Variants in GRM7 observed in about 807,000 individuals in gnomAD.
GRM7 encodes metabotropic glutamate receptor 7.
In GRM7, 35 loss-of-function variants were observed where a neutral mutation model predicts 84.5. That is an observed-to-expected ratio of 0.41 (90% CI 0.32 to 0.55). The LOEUF is 0.55. Among genes scored for constraint, GRM7 ranks in the 20% least tolerant of loss-of-function variants. GRM7 has a pLI of 0.19. For missense variants in GRM7, 1,003 were observed against 1,194.6 expected, an observed-to-expected ratio of 0.84 and a Z score of 2.36; for synonymous variants, 487 against 455.1, an observed-to-expected ratio of 1.07 and a Z score of -0.89.
At chr3:7,099,274 A>T (rs58861144) in intron 1 of GRM7, among the ~76,000 whole-genome samples, 5,826 of 67,516 alleles carry the variant, frequency 0.086, 404 homozygotes, top group African/African-American at 0.27. Flanking sequence ...TGTATATATG[A>T]ATACATGTAT....
intron 7 of GRM7, among the ~76,000 whole-genome samples, chr3:7,479,073 T>C (rs576786092): frequency 1.3e-5 from 2 of 152,214 alleles, no homozygotes; most frequent in East Asian, 3.9e-4. Flanking sequence ...GGGACATTTA[T>C]ACTGTCCTAG....
At chr3:7,679,086 G>C (rs1473932362) in intron 8 of GRM7, among the ~76,000 whole-genome samples, 1 of 152,194 alleles carries the variant, frequency 6.6e-6, no homozygotes, top group Non-Finnish European at 1.5e-5. Flanking sequence ...GAAGTCCTTT[G>C]AGAGTGTATC....
In GRM7 at chr3:6,975,473, C is replaced by G. The variant is rs556217106; in HGVS notation, c.519+113566C>G. Among the ~76,000 whole-genome samples, 13 of 152,230 alleles carry G rather than the reference C, an allele frequency of 8.5e-5. No homozygotes were observed. In the South Asian group the frequency reaches 2.7e-3, roughly 32 times the overall value. On this transcript the variant is annotated intron_variant, in intron 1 of 9. Transcript: ENST00000357716. ...TTTCACTTCTCTAGGTTTCCATTTA[C>G]TTGTCTTTTAGGAATTAGACAAAAT...
intron 1 of GRM7, among the ~76,000 whole-genome samples, chr3:7,107,369 A>G (rs1692693300): frequency 6.6e-6 from 1 of 152,084 alleles, no homozygotes; most frequent in Non-Finnish European, 1.5e-5. Context: ...TGGTTTTCTC[A>G]AGTGGTCCTG....
At chr3:7,341,295 CTA>C (rs1163175812) in intron 4 of GRM7, among the ~76,000 whole-genome samples, 1 of 151,680 alleles carries the variant, frequency 6.6e-6, no homozygotes, top group Non-Finnish European at 1.5e-5. Context: ...TGATAGGAGA[CTA>C]TTATTTAAAG....
At chr3:7,650,238 C>T (rs1037639179) in intron 8 of GRM7, among the ~76,000 whole-genome samples, 2 of 152,210 alleles carry the variant, frequency 1.3e-5, no homozygotes, top group African/African-American at 4.8e-5. Flanking sequence ...TGAAAACACT[C>T]TCAGGTATGA....
intron 4 of GRM7, among the ~76,000 whole-genome samples, chr3:7,333,494 T>G (rs1701290992): frequency 6.6e-6 from 1 of 152,158 alleles, no homozygotes; most frequent in Admixed American, 6.5e-5. Flanking sequence ...CAGCAGTCCT[T>G]GAGTTACAGA....
At chr3:7,202,248 A>G (rs1354520937) in intron 2 of GRM7, among the ~76,000 whole-genome samples, 1 of 152,164 alleles carries the variant, frequency 6.6e-6, no homozygotes, top group African/African-American at 2.4e-5. Flanking sequence ...CATTTAGGTA[A>G]AGTTTCAAGC....
At chr3:7,001,994 T>C (rs1238932541) in intron 1 of GRM7, among the ~76,000 whole-genome samples, 1 of 152,218 alleles carries the variant, frequency 6.6e-6, no homozygotes, top group East Asian at 1.9e-4. Context: ...TCTTTAATTA[T>C]ATGCTTTTGA....
At chr3:7,045,861 G>C (rs531690655) in intron 1 of GRM7, among the ~76,000 whole-genome samples, 2 of 152,022 alleles carry the variant, frequency 1.3e-5, no homozygotes, top group Non-Finnish European at 2.9e-5. Context: ...ATATTCCTTT[G>C]AATTTCAGGT....
At chr3:6,871,905 T>A (rs1483576626) in intron 1 of GRM7, among the ~76,000 whole-genome samples, 1 of 151,684 alleles carries the variant, frequency 6.6e-6, no homozygotes, top group Admixed American at 6.6e-5. Context: ...TTCAGTAGAG[T>A]TGGCATAATA....
chr3:7,652,642 C>G (rs1300451903), intron 8 of GRM7, among the ~76,000 whole-genome samples: 1 of 152,144 alleles, frequency 6.6e-6, no homozygotes, highest in African/African-American at 2.4e-5. Context: ...AGTTTGCACC[C>G]CATGGCTCTT....
At chr3:6,967,370 G>A (rs1360594017) in intron 1 of GRM7, among the ~76,000 whole-genome samples, 1 of 151,852 alleles carries the variant, frequency 6.6e-6, no homozygotes, top group Non-Finnish European at 1.5e-5. Context: ...TCCTTTTTGT[G>A]CGTTTTGTAG....
chr3:7,411,273 C>A (rs1695924121), intron 4 of GRM7, among the ~76,000 whole-genome samples: 1 of 152,064 alleles, frequency 6.6e-6, no homozygotes, highest in Non-Finnish European at 1.5e-5. Flanking sequence ...GGGGTTAGGA[C>A]ATGGACATTT....
At chr3:7,064,967 A>C (rs904466897) in intron 1 of GRM7, among the ~76,000 whole-genome samples, 1 of 151,726 alleles carries the variant, frequency 6.6e-6, no homozygotes, top group Non-Finnish European at 1.5e-5. Context: ...TCATATGTTC[A>C]TTGGCCATTT....
At chr3:7,676,295 G>A (rs1378142903) in intron 8 of GRM7, among the ~76,000 whole-genome samples, 1 of 152,078 alleles carries the variant, frequency 6.6e-6, no homozygotes, top group Non-Finnish European at 1.5e-5. Flanking sequence ...TAGCTTCCCT[G>A]CTAGGCTTAG....
chr3:7,460,128 A>AAAAAAAC (rs1559338182), intron 6 of GRM7, among the ~76,000 whole-genome samples: 7 of 134,098 alleles, frequency 5.2e-5, no homozygotes, highest in South Asian at 2.4e-4. Context: ...AAAAAAAAAA[A>AAAAAAAC]AGATGCCAAA....
chr3:6,946,021 AT>A (rs1698065629), intron 1 of GRM7, among the ~76,000 whole-genome samples: 1 of 152,122 alleles, frequency 6.6e-6, no homozygotes, highest in Non-Finnish European at 1.5e-5. Flanking sequence ...CCTGTTCACT[AT>A]GACAGTGATT....
intron 1 of GRM7, among the ~76,000 whole-genome samples, chr3:7,142,655 C>A (rs954126026): frequency 1.3e-5 from 2 of 152,154 alleles, no homozygotes; most frequent in Admixed American, 6.6e-5. Flanking sequence ...AAAGCCTAAC[C>A]ATATCAGTAT....
Sources: gnomAD v4.1 joint callset for allele counts (sites outside exome capture counted in the v4.1 genomes callset) on GRCh38, gnomAD v4.1.1 for gene constraint, MANE v1.5 for transcripts, NCBI Gene and HGNC (gene_info 2026-07-23, HGNC 2026-07-21) for gene names.